CHN2: variants seen among roughly 807,000 people sequenced by gnomAD.
CHN2 encodes beta-chimaerin.
In CHN2, 35 loss-of-function variants were observed where a neutral mutation model predicts 56.3. That is an observed-to-expected ratio of 0.62 (90% CI 0.47 to 0.82). The LOEUF (loss-of-function observed/expected upper bound fraction) is 0.82. Among genes scored for constraint, CHN2 ranks in the 40% least tolerant of loss-of-function variants. The pLI is 0.00. For missense variants in CHN2, 491 were observed against 580.5 expected, an observed-to-expected ratio of 0.85 and a Z score of 1.58; for synonymous variants, 210 against 212.8, an observed-to-expected ratio of 0.99 and a Z score of 0.12.
intron 6 of CHN2, among the ~76,000 whole-genome samples, chr7:29,407,964 G>T (rs1802817746): frequency 6.6e-6 from 1 of 152,076 alleles, no homozygotes; most frequent in Non-Finnish European, 1.5e-5. Context: ...GAGGCTGGCG[G>T]ATCACTTGAG....
At chr7:29,155,039 A>G (rs1257407537) in intron 2 of CHN2, among the ~76,000 whole-genome samples, 2 of 152,014 alleles carry the variant, frequency 1.3e-5, no homozygotes, top group Non-Finnish European at 2.9e-5. Flanking sequence ...CCTCTTTAAA[A>G]CCATCAGATC....
At chr7:29,446,825 G>A (rs1784066548) in intron 6 of CHN2, among the ~76,000 whole-genome samples, 1 of 152,190 alleles carries the variant, frequency 6.6e-6, no homozygotes, top group Admixed American at 6.5e-5. Flanking sequence ...GTCAGAAATA[G>A]TGGTTTTCTC....
chr7:29,513,263 C>T lies in CHN2; in HGVS notation c.*528C>T, dbSNP rs991926736. Reference sequence around the variant, plus strand: ...CCTTGTCCCTCATTTTGCTGTGACACCCTGAAAAAGCTGACCACAAATGCA... The same window carrying T: ...CCTTGTCCCTCATTTTGCTGTGACATCCTGAAAAAGCTGACCACAAATGCA... On this transcript the variant is annotated 3_prime_UTR_variant, in exon 13 of 13. Transcript: ENST00000222792. 3 of 152,870 alleles carry T rather than the reference C, an allele frequency of 2.0e-5. No homozygotes were observed. Among genetic ancestry groups the T allele is most frequent in the Non-Finnish European group, 4.4e-5 (3 of 68,248 alleles). The allele number at this position is 152,870 out of a possible 1,614,324, so 9.5% of individuals were successfully genotyped here.
intron 7 of CHN2, among the ~76,000 whole-genome samples, chr7:29,484,737 G>A (rs2024421): frequency 0.59 from 89,251 of 151,962 alleles, 26,368 homozygotes; most frequent in South Asian, 0.69. Context: ...GGGGATATAC[G>A]ATGCAACCCG....
At chr7:29,476,635 A>G (rs1786621234) in intron 6 of CHN2, among the ~76,000 whole-genome samples, 1 of 152,132 alleles carries the variant, frequency 6.6e-6, no homozygotes. Context: ...TGATATAAAT[A>G]TTAATATTTG....
intron 1 of CHN2, among the ~76,000 whole-genome samples, chr7:29,216,443 A>G (rs890987841): frequency 6.6e-6 from 1 of 152,252 alleles, no homozygotes; most frequent in Non-Finnish European, 1.5e-5. Context: ...CATATTTCCT[A>G]AAACTGTCTA....
At chr7:29,444,305 C>T (rs1000389237) in intron 6 of CHN2, among the ~76,000 whole-genome samples, 2 of 152,180 alleles carry the variant, frequency 1.3e-5, no homozygotes, top group African/African-American at 4.8e-5. Context: ...CAAATTACCC[C>T]AAAATGTAGT....
intron 6 of CHN2, among the ~76,000 whole-genome samples, chr7:29,472,272 T>TACACACACAC (rs113034467): frequency 2.5e-4 from 28 of 112,316 alleles, no homozygotes; most frequent in African/African-American, 6.3e-4. Flanking sequence ...CAAAACAAAA[T>TACACACACAC]ACACACACAC....
At chr7:29,176,187 A>G (rs1175990533) in intron 2 of CHN2, among the ~76,000 whole-genome samples, 1 of 147,130 alleles carries the variant, frequency 6.8e-6, no homozygotes, top group Non-Finnish European at 1.5e-5. Context: ...CTCCGTCTCA[A>G]GAAAAAAAAA....
intron 11 of CHN2, among the ~76,000 whole-genome samples, chr7:29,509,094 A>AT (rs199838353): frequency 3.3e-3 from 497 of 152,326 alleles, no homozygotes; most frequent in African/African-American, 0.011. Flanking sequence ...CCCAGAGGAC[A>AT]TTCAATAAGC....
intron 6 of CHN2, among the ~76,000 whole-genome samples, chr7:29,437,131 T>A (rs1219717523): frequency 1.3e-5 from 2 of 152,160 alleles, no homozygotes; most frequent in East Asian, 1.9e-4. Context: ...CTTTAAATTT[T>A]AAATTTTTCA....
intron 2 of CHN2, among the ~76,000 whole-genome samples, chr7:29,148,219 G>A (rs1793045342): frequency 6.6e-6 from 1 of 152,194 alleles, no homozygotes; most frequent in Non-Finnish European, 1.5e-5. Flanking sequence ...CCCTGGACAA[G>A]GGCTCCTTGG....
intron 1 of CHN2, among the ~76,000 whole-genome samples, chr7:29,265,614 C>T (rs1266106131): frequency 1.3e-5 from 2 of 152,104 alleles, no homozygotes; most frequent in Non-Finnish European, 2.9e-5. Context: ...TGTCACTCCC[C>T]GAATAAAGTT....
At chr7:29,148,785 G>C (rs1184101422) in intron 2 of CHN2, 1 of 152,182 alleles carries the variant, frequency 6.6e-6, no homozygotes, top group African/African-American at 2.4e-5. Flanking sequence ...TGTGGGGAAG[G>C]GATGAAGGGG....
At chr7:29,370,702 C>T (rs1275739899) in intron 3 of CHN2, among the ~76,000 whole-genome samples, 1 of 152,096 alleles carries the variant, frequency 6.6e-6, no homozygotes, top group Non-Finnish European at 1.5e-5. Flanking sequence ...CATTAGAGCA[C>T]CAAGCAAAGT....
intron 1 of CHN2, among the ~76,000 whole-genome samples, chr7:29,317,875 G>A (rs771639380): frequency 7.9e-5 from 12 of 152,138 alleles, no homozygotes; most frequent in African/African-American, 2.2e-4. Flanking sequence ...TACATGTTAC[G>A]CCGGAGGCTG....
chr7:29,199,606 C>G (rs1783999493), intron 1 of CHN2: 1 of 152,172 alleles, frequency 6.6e-6, no homozygotes, highest in South Asian at 2.1e-4. Flanking sequence ...AAATTATTTA[C>G]TCAGATGAGG....
At chr7:29,336,421 G>C (rs2128908895) in intron 1 of CHN2, among the ~76,000 whole-genome samples, 1 of 152,162 alleles carries the variant, frequency 6.6e-6, no homozygotes. Context: ...TGCAGCCTGA[G>C]CAACACAGTA....
intron 6 of CHN2, among the ~76,000 whole-genome samples, chr7:29,434,471 C>G (rs1205706422): frequency 6.6e-6 from 1 of 151,738 alleles, no homozygotes; most frequent in Admixed American, 6.6e-5. Context: ...AGGGGAGGAT[C>G]TTCTCTGGCC....
Sources: gnomAD v4.1 joint callset for allele counts (sites outside exome capture counted in the v4.1 genomes callset) on GRCh38, gnomAD v4.1.1 for gene constraint, MANE v1.5 for transcripts, NCBI Gene and HGNC (gene_info 2026-07-23, HGNC 2026-07-21) for gene names.